The following HSPG2 variants were observed in gnomAD, a reference collection of about 807,000 sequenced individuals.
HSPG2 encodes basement membrane-specific heparan sulfate proteoglycan core protein.
HSPG2 carries 278 observed loss-of-function variants against 526.6 expected under a neutral mutation model. That is an observed-to-expected ratio of 0.53 (90% confidence interval 0.48 to 0.58). The LOEUF (loss-of-function observed/expected upper bound fraction) is 0.58. Among genes scored for constraint, HSPG2 ranks in the 20% least tolerant of loss-of-function variants. The probability of loss-of-function intolerance (pLI) is 0.00; values close to 1 mark genes in which losing one functional copy is unlikely to be tolerated. For synonymous variants in HSPG2, 2,465 were observed against 2,555.4 expected, an observed-to-expected ratio of 0.96 and a Z score of 1.07; for missense variants, 5,354 against 6,099.5, an observed-to-expected ratio of 0.88 and a Z score of 4.07.
At chr1:21,927,902 T>C (rs1644248051) in intron 1 of HSPG2, among the ~76,000 whole-genome samples, 1 of 152,216 alleles carries the variant, frequency 6.6e-6, no homozygotes, top group Non-Finnish European at 1.5e-5. Context: ...GTACAGGACC[T>C]GGGTCATAGA....
intron 13 of HSPG2, among the ~76,000 whole-genome samples, chr1:21,882,200 C>T (rs1378481394): frequency 1.3e-5 from 2 of 152,138 alleles, no homozygotes; most frequent in Non-Finnish European, 1.5e-5. Context: ...AGGAGAGCTA[C>T]ACAGGGCTGA....
chr1:21,831,133 C>A, intron 84 of HSPG2, 43 bp from the exon 85 acceptor site: 1 of 1,600,170 alleles, frequency 6.2e-7, no homozygotes, highest in East Asian at 2.2e-5. Context: ...ACATTCAGTA[C>A]CCCCCATAAT....
At chr1:21,835,295 GA>G (rs2098021946) in intron 76 of HSPG2, 6 of 602,152 alleles carry the variant, frequency 1.0e-5, no homozygotes, top group Middle Eastern at 4.5e-4. Flanking sequence ...GGTTCACACT[GA>G]TTCAATCTTC....
In HSPG2 at chr1:21,831,489, T is replaced by C. The variant is rs747773344; in HGVS notation, c.11426A>G (p.Lys3809Arg). 1 of 1,614,088 alleles carries C rather than the reference T, an allele frequency of 6.2e-7. No homozygotes were observed. The highest frequency in any genetic ancestry group is 1.1e-5 in the South Asian group (1 of 91,086). ...TATGAAGCCGCTGCTCAGCCCCGCC[T>C]TGGGGATGGCACCATAGTCAGGATA... ...GGYPDYGAIPKAGLSSGFIGC... is the reference protein window; with the variant it reads ...GGYPDYGAIPRAGLSSGFIGC... The change falls in exon 83 of 97, where the codon AAG becomes AGG. Residue 3809 changes from lysine to arginine, a missense_variant. Coordinates refer to ENST00000374695, the MANE Select transcript of HSPG2 (RefSeq NM_005529.7).
chr1:21,887,153 G>C lies in HSPG2; in HGVS notation c.1078+62C>G, dbSNP rs1572366452. On this transcript the variant is annotated intron_variant, in intron 9 of 96. Transcript: ENST00000374695. This position sits in a 1 kb window ranked among gnomAD's most constrained non-coding sequence, Gnocchi z 5.0. ...TAGGGGCGGGGCAGGAGTGGAAGGC[G>C]GGGCAGGAGCAAGCGGCCTGGGCAG... The C allele has an allele frequency of 3.1e-6, 5 of 1,597,278 alleles. No individual in the cohort carries two copies. In the South Asian group the frequency reaches 5.5e-5, roughly 18 times the overall value.
Position 21,823,331 on chromosome 1 carries a change from G to A in HSPG2, c.13161C>T (p.Arg4387=). Residue 4387 remains arginine, a synonymous_variant, in exon 97 of 97, where the codon CGC becomes CGT. Transcript: ENST00000374695. ...QHRAQAGANT[R]PCPS ...AGGCAGGTGCCTACGAGGGGCAGGG[G>A]CGTGTGTTGGCCCCGGCCTGGGCGC... 1 of 1,540,908 alleles carries A rather than the reference G, an allele frequency of 6.5e-7. No individual in the cohort carries two copies. Among genetic ancestry groups the A allele is most frequent in the Non-Finnish European group, 8.7e-7 (1 of 1,145,916 alleles).
At chr1:21,870,865 G>A (rs1225935947) in intron 33 of HSPG2, 4 of 986,166 alleles carry the variant, frequency 4.1e-6, no homozygotes, top group East Asian at 2.3e-4. Context: ...CGCAAAGTAC[G>A]CCTCCCCCTG....
chr1:21,882,400 TACACACACAC>T lies in HSPG2; in HGVS notation c.1655-908_1655-899del, dbSNP rs56357321. 9.9e-3 allele frequency among the ~76,000 whole-genome samples: 1,410 copies of T among 142,742 alleles called. 22 individuals are homozygous for T. Among genetic ancestry groups the T allele is most frequent in the African/African-American group, 0.032 (1,215 of 38,390 alleles). 93.6% of individuals were successfully genotyped at this position (142,742 alleles called of 152,430 possible). A position where few individuals can be genotyped will look rare whatever the true frequency, so the allele number is the denominator to read the frequency against. Reference sequence around the variant, plus strand: ...TCGTCTAGTCCAACCCTCTTCTATGTACACACACACACACACACACACACACACACACACA... The same window carrying T: ...TCGTCTAGTCCAACCCTCTTCTATGTACACACACACACACACACACACACA... On this transcript the variant is annotated intron_variant, in intron 13 of 96. Coordinates refer to ENST00000374695, the MANE Select transcript of HSPG2 (RefSeq NM_005529.7).
chr1:21,837,433 C>T (rs945479945), intron 74 of HSPG2, among the ~76,000 whole-genome samples: 12 of 151,890 alleles, frequency 7.9e-5, no homozygotes, highest in Admixed American at 2.6e-4. Context: ...GGTGCGCCAC[C>T]GTGCCTGGCT....
At position 21,846,454 on chromosome 1, in the gene HSPG2, G is replaced by A. The variant is rs1183794356; in HGVS notation, c.8310C>T (p.His2770=). ...TTTCCTGCCAGCTGCATACCTGATG[G>A]TGACTGGGGAGGCTGCCCCCACGCT... ...WHKRGGSLPS[H]HQTRGSRLRL... is the part of the protein sequence containing the mutation. Residue 2770 remains histidine (H), a synonymous_variant, in exon 63 of 97, where the codon CAC becomes CAT. Coordinates refer to ENST00000374695, the MANE Select transcript of HSPG2 (RefSeq NM_005529.7). The A allele has an allele frequency of 6.2e-7, 1 of 1,613,498 alleles. No homozygotes were observed. The highest frequency in any genetic ancestry group is 8.5e-7 in the Non-Finnish European group (1 of 1,180,048).
At chr1:21,896,117 G>A (rs1256544289) in intron 2 of HSPG2, 58 bp downstream of exon 2, 11 of 1,611,890 alleles carry the variant, frequency 6.8e-6, no homozygotes, top group Admixed American at 6.7e-5. Context: ...ATGCCAGTGG[G>A]AAGAAGCACA....
At chr1:21,896,070 T>C (rs1400654745) in intron 2 of HSPG2, 104 bp from the exon 3 acceptor site, 22 of 1,601,222 alleles carry the variant, frequency 1.4e-5, no homozygotes, top group South Asian at 4.4e-5. Flanking sequence ...GGGACAGGGT[T>C]GAGAAAGCTC....
At chr1:21,875,024 G>A (rs763192005) in intron 25 of HSPG2, 22 bp from the exon 26 acceptor site, 16 of 1,518,200 alleles carry the variant, frequency 1.1e-5, no homozygotes, top group South Asian at 4.7e-5. Context: ...AAGACCCAGC[G>A]TGAATAGGAG....
At chr1:21,879,233 C>T in intron 17 of HSPG2, 112 bp from the exon 18 acceptor site, 2 of 1,287,400 alleles carry the variant, frequency 1.6e-6, no homozygotes, top group South Asian at 2.5e-5. Context: ...GGAGGCACAG[C>T]TTTGCAGACA....
chr1:21,837,041 G>A (rs1439307445), intron 74 of HSPG2, 35 bp from the exon 75 acceptor site: 1 of 1,525,848 alleles, frequency 6.6e-7, no homozygotes, highest in Non-Finnish European at 8.8e-7. Context: ...GCAGGTATAT[G>A]TGTGTGTGAT....
In HSPG2 at chr1:21,896,226, G is replaced by A. The variant is rs200821679; in HGVS notation, c.148C>T (p.His50Tyr). The A allele has an allele frequency of 1.2e-6, 2 of 1,613,786 alleles. No homozygotes were observed. The highest frequency in any genetic ancestry group is 2.2e-5 in the East Asian group (1 of 44,852). Residue 50 changes from histidine to tyrosine, a missense_variant, in exon 2 of 97, where the codon CAT (histidine) becomes TAT (tyrosine). Physicochemically the swap from His to Tyr is moderately conservative, Grantham distance 83. Transcript: ENST00000374695. ...TCCTCATCATCAGAAAGGTACGAATGTGTCCAGCGCATTTGGCTTGCTGTG... is the reference window on the plus strand; with the variant it reads ...TCCTCATCATCAGAAAGGTACGAATATGTCCAGCGCATTTGGCTTGCTGTG... ...TVTASQMRWT[H>Y]SYLSDDEDML...
chr1:21,831,454 G>T lies in HSPG2; in HGVS notation c.11452+9C>A. 6.2e-7 allele frequency: 1 copy of T among 1,613,124 alleles called. No homozygotes were observed. The highest frequency in any genetic ancestry group is 8.5e-7 in the Non-Finnish European group (1 of 1,179,198). On this transcript the variant is annotated intron_variant, in intron 83 of 96. Coordinates refer to ENST00000374695, the MANE Select transcript of HSPG2 (RefSeq NM_005529.7). ...CCCAGCCTCAGCTGGAGGTGGGGAG[G>T]GGGCTCACCTATGAAGCCGCTGCTC...
intron 3 of HSPG2, among the ~76,000 whole-genome samples, chr1:21,894,784 T>A (rs1324038152): frequency 2.6e-5 from 4 of 152,088 alleles, no homozygotes; most frequent in African/African-American, 9.7e-5. Context: ...CACATTAGCA[T>A]AGGCCATTCC....
chr1:21,908,044 A>T, intron 1 of HSPG2: 1 of 727,958 alleles, frequency 1.4e-6, no homozygotes, highest in South Asian at 1.4e-5. Context: ...TGAATGTTCT[A>T]TAAGTGTTTG....
Sources: allele counts gnomAD v4.1 joint callset (sites outside exome capture counted in the v4.1 genomes callset), GRCh38; gene constraint gnomAD v4.1.1; non-coding constraint Gnocchi (gnomAD v3.1); transcripts MANE v1.5; gene names NCBI Gene and HGNC (gene_info 2026-07-23, HGNC 2026-07-21).